RIF1: variants seen among roughly 807,000 people sequenced by gnomAD.
RIF1 encodes telomere-associated protein RIF1.
A neutral mutation model predicts 247.1 loss-of-function variants in RIF1; 45 were observed. The observed-to-expected ratio is 0.18, with a 90% CI of 0.14 to 0.23. The LOEUF is 0.23. Ranked by LOEUF, RIF1 falls within the 10% of genes least tolerant of loss-of-function variation. The probability of loss-of-function intolerance (pLI) is 1.00; values close to 1 mark genes in which losing one functional copy is unlikely to be tolerated. For synonymous variants in RIF1, 1,087 were observed against 978.8 expected (o/e 1.11, Z -2.06); for missense variants, 2,967 against 2,862.5 (o/e 1.04, Z -0.83).
rs187231245 is a variant in RIF1, at chr2:151,488,754, A to G, written c.*415+5419A>G. ...AGTTTATGCTTTGAGATGGGTATCTAATTTTATTATTTTACTAAATAGATA... is the reference window on the plus strand; with the variant it reads ...AGTTTATGCTTTGAGATGGGTATCTGATTTTATTATTTTACTAAATAGATA... On this transcript the variant is annotated intron_variant and NMD_transcript_variant, in intron 9 of 13. Transcript: ENST00000454583. Among the ~76,000 whole-genome samples, 322 of 152,284 alleles carry G rather than the reference A, an allele frequency of 2.1e-3. 5 individuals are homozygous for G. The highest frequency in any genetic ancestry group is 0.019 in the Admixed American group (289 of 15,294).
downstream of RIF1, among the ~76,000 whole-genome samples, chr2:151,508,687 C>CCTGA (rs1459513072): frequency 1.3e-5 from 2 of 152,208 alleles, no homozygotes; most frequent in African/African-American, 4.8e-5. Flanking sequence ...CAGAAAGCAG[C>CCTGA]CTGACAGGAC....
downstream of RIF1, among the ~76,000 whole-genome samples, chr2:151,512,159 T>A (rs898866478): frequency 9.2e-5 from 14 of 151,392 alleles, no homozygotes; most frequent in African/African-American, 2.9e-4. Flanking sequence ...GCCTCCCAAG[T>A]AGCTGGGACT....
chr2:151,476,591 ATCATCATAAAT>A lies in RIF1; in HGVS notation c.*1530_*1540del, dbSNP rs1353755023. On this transcript the variant is annotated 3_prime_UTR_variant, in exon 36 of 36. Coordinates refer to ENST00000444746, the MANE Select transcript of RIF1 (RefSeq NM_018151.5). ...TCTATAAAAGTTGGTGTCTTTTTTC[ATCATCATAAAT>A]TCATCATAATCACAGATATTTTTGG... is the stretch of plus-strand genomic sequence containing the variant. 6.6e-6 allele frequency: 1 copy of A among 152,150 alleles called. No homozygotes were observed. Among genetic ancestry groups the A allele is most frequent in the East Asian group, 1.9e-4 (1 of 5,198 alleles). The allele number at this position is 152,150 out of a possible 1,614,324, so 9.4% of individuals were successfully genotyped here.
intron 11 of RIF1, among the ~76,000 whole-genome samples, chr2:151,436,596 C>A (rs1337533080): frequency 6.6e-6 from 1 of 150,640 alleles, no homozygotes; most frequent in Non-Finnish European, 1.5e-5. Flanking sequence ...TTATGTATGT[C>A]ATTGAAAGAC....
At chr2:151,523,455 A>G in the RIF1 span, among the ~76,000 whole-genome samples, 1 of 152,184 alleles carries the variant, frequency 6.6e-6, no homozygotes, top group Non-Finnish European at 1.5e-5. Flanking sequence ...TCCCAAACCT[A>G]TTTCTTCAAA....
chr2:151,490,262 G>GA, intron 9 of RIF1: 1 of 1,370,766 alleles, frequency 7.3e-7, no homozygotes, highest in Non-Finnish European at 9.9e-7. Flanking sequence ...CTCATTAAAG[G>GA]AAAGGATGAA....
At position 151,437,290 on chromosome 2, in the gene RIF1, T is replaced by C. The variant is rs758697263; in HGVS notation, c.1422T>C (p.His474=). 10 of 1,614,124 alleles carry C rather than the reference T, an allele frequency of 6.2e-6. No homozygotes were observed. The South Asian group carries it at 9.9e-5, about 16-fold the overall frequency. Reference sequence around the variant, plus strand: ...GCAGCCCTTCCTTTTTTTCCAAACATGCAAATACACTTATCACTGCTGTTC... The same window carrying C: ...GCAGCCCTTCCTTTTTTTCCAAACACGCAAATACACTTATCACTGCTGTTC... ...LISSPSFFSK[H]ANTLITAVHD... The change falls in exon 13 of 36, where the codon CAT becomes CAC. Residue 474 remains histidine (H), a synonymous_variant. Coordinates refer to ENST00000444746, the MANE Select transcript of RIF1 (RefSeq NM_018151.5).
chr2:151,455,386 A>G (rs931208220), intron 22 of RIF1, among the ~76,000 whole-genome samples: 13 of 152,172 alleles, frequency 8.5e-5, no homozygotes, highest in African/African-American at 2.4e-4. Flanking sequence ...TTGCTTTTCA[A>G]TGCTTACCTT....
At chr2:151,483,268 T>C (rs1453036447), downstream of RIF1, 2 of 152,232 alleles carry the variant, frequency 1.3e-5, no homozygotes, top group East Asian at 3.9e-4. Context: ...CCTAGTATCG[T>C]TGGACCAACA....
At position 151,463,383 on chromosome 2, in the gene RIF1, G is replaced by A; in HGVS notation, c.3863G>A (p.Ser1288Asn). 1 of 1,614,026 alleles carries A rather than the reference G, an allele frequency of 6.2e-7. No homozygotes were observed. Among genetic ancestry groups the A allele is most frequent in the Non-Finnish European group, 8.5e-7 (1 of 1,179,990 alleles). The change falls in exon 30 of 36, where the codon AGC becomes AAC. Residue 1288 changes from serine to asparagine, a missense_variant. Physicochemically the swap from Ser to Asn is conservative, Grantham distance 46. Coordinates refer to ENST00000444746, the MANE Select transcript of RIF1 (RefSeq NM_018151.5). ...ATAGTGAATGGAACTAAGAGATCAA[G>A]CCGGAGAGCTGGTAAAGCTGAACAA... ...EKIVNGTKRS[S>N]RRAGKAEQTG...
chr2:151,456,994 G>A (rs1054290698), intron 23 of RIF1, among the ~76,000 whole-genome samples: 1 of 152,006 alleles, frequency 6.6e-6, no homozygotes, highest in African/African-American at 2.4e-5. Context: ...TCGGCTTCCC[G>A]AAGTGCTAAG....
chr2:151,519,144 T>C, the RIF1 span: 15 of 903,132 alleles, frequency 1.7e-5, no homozygotes, highest in Middle Eastern at 2.1e-4. Flanking sequence ...CAAAGTGAGA[T>C]AGCCCATCGT....
chr2:151,524,599 A>G, the RIF1 span: 1 of 1,573,172 alleles, frequency 6.4e-7, no homozygotes, highest in Non-Finnish European at 8.6e-7. Context: ...TCTCTTTGGC[A>G]TCTTTTCTGT....
chr2:151,443,131 A>G, intron 16 of RIF1, 128 bp from the exon 17 acceptor site: 4 of 635,324 alleles, frequency 6.3e-6, no homozygotes, highest in South Asian at 2.1e-5. Context: ...CATGGTTGTC[A>G]TACCCTAAGT....
chr2:151,488,105 T>G (rs2052615624), intron 9 of RIF1, among the ~76,000 whole-genome samples: 1 of 152,144 alleles, frequency 6.6e-6, no homozygotes, highest in African/African-American at 2.4e-5. Flanking sequence ...TTGCCATAAA[T>G]TATCTATTCT....
intron 9 of RIF1, chr2:151,494,240 T>A (rs1256890463): frequency 5.6e-6 from 9 of 1,599,088 alleles, no homozygotes; most frequent in Non-Finnish European, 7.7e-6. Flanking sequence ...CCCCACATTT[T>A]CTTTGTACAA....
chr2:151,490,214 A>T, intron 9 of RIF1: 1 of 1,163,084 alleles, frequency 8.6e-7, no homozygotes, highest in East Asian at 2.5e-5. Context: ...AAAATGAAAC[A>T]TCTAACTTCA....
intron 9 of RIF1, among the ~76,000 whole-genome samples, chr2:151,432,241 C>A (rs552559512): frequency 4.5e-4 from 69 of 152,122 alleles, no homozygotes; most frequent in Non-Finnish European, 8.1e-4. Flanking sequence ...AACTCCTGAC[C>A]TCAAGTGACC....
chr2:151,475,321 A>G lies in RIF1; in HGVS notation c.*250A>G, dbSNP rs531728658. 1.6e-4 allele frequency: 69 copies of G among 430,044 alleles called. No homozygotes were observed. Among genetic ancestry groups the G allele is most frequent in the South Asian group, 4.2e-4 (16 of 38,504 alleles). The allele number at this position is 430,044 out of a possible 1,614,324, so 26.6% of individuals were successfully genotyped here. On this transcript the variant is annotated 3_prime_UTR_variant, in exon 36 of 36. Coordinates refer to ENST00000444746, the MANE Select transcript of RIF1 (RefSeq NM_018151.5). ...GTTTTTCAGGAAATTTAATTATCTT[A>G]CTGAGATGTGAAAGCAAAACTAGTA...
Sources: gnomAD v4.1 joint callset for allele counts (sites outside exome capture counted in the v4.1 genomes callset) on GRCh38, gnomAD v4.1.1 for gene constraint, MANE v1.5 for transcripts, NCBI Gene and HGNC (gene_info 2026-07-23, HGNC 2026-07-21) for gene names.